WWOX: variants seen among roughly 807,000 people sequenced by gnomAD.
WWOX encodes WW domain-containing oxidoreductase.
Under a neutral mutation model 46.2 loss-of-function variants are expected in WWOX, and 69 were observed. The ratio of observed to expected loss-of-function variants is 1.49; its 90% confidence interval spans 1.23 to 1.82. WWOX has a LOEUF of 1.82. Ranked by LOEUF, WWOX falls within the 40% of genes most tolerant of loss-of-function variation. The pLI, the probability that WWOX is intolerant of heterozygous loss-of-function variation, is 0.00. For synonymous variants in WWOX, 359 were observed against 202.6 expected (o/e 1.77, Z -6.56); for missense variants, 919 against 542.6 (o/e 1.69, Z -6.89).
intron 8 of WWOX, among the ~76,000 whole-genome samples, chr16:79,117,034 G>A (rs1329087181): frequency 7.0e-6 from 1 of 143,692 alleles, no homozygotes; most frequent in South Asian, 2.4e-4. Flanking sequence ...TTGTCAACAA[G>A]TGGAATATTT....
intron 8 of WWOX, among the ~76,000 whole-genome samples, chr16:79,167,283 G>T (rs1007528117): frequency 1.3e-5 from 2 of 152,136 alleles, no homozygotes; most frequent in African/African-American, 4.8e-5. Flanking sequence ...AATTAGCAAA[G>T]AAGCAAATAT....
intron 8 of WWOX, among the ~76,000 whole-genome samples, chr16:78,813,210 C>T (rs1401507856): frequency 6.6e-6 from 1 of 151,572 alleles, no homozygotes; most frequent in Non-Finnish European, 1.5e-5. Context: ...GTTTTGCTAT[C>T]ATAGCGTTAC....
intron 8 of WWOX, among the ~76,000 whole-genome samples, chr16:78,880,656 AT>A (rs1399437110): frequency 1.3e-5 from 2 of 152,196 alleles, no homozygotes; most frequent in Non-Finnish European, 2.9e-5. Context: ...TGGTGAGGGA[AT>A]TCACTTGCCG....
intron 8 of WWOX, among the ~76,000 whole-genome samples, chr16:78,719,055 C>A (rs147949592): frequency 1.3e-5 from 2 of 152,146 alleles, no homozygotes; most frequent in Non-Finnish European, 1.5e-5. Context: ...TTAGTTCCAA[C>A]AGAGCTAAAG....
chr16:78,289,145 T>C (rs1447840499), intron 5 of WWOX, among the ~76,000 whole-genome samples: 1 of 152,156 alleles, frequency 6.6e-6, no homozygotes. Flanking sequence ...GGTAAAACTT[T>C]ACTTGGTGCT....
At chr16:78,794,724 C>G (rs374292488) in intron 8 of WWOX, among the ~76,000 whole-genome samples, 49 of 152,322 alleles carry the variant, frequency 3.2e-4, no homozygotes, top group Non-Finnish European at 5.3e-4. Flanking sequence ...ATTATTAGCT[C>G]TGCTATCAGA....
intron 8 of WWOX, among the ~76,000 whole-genome samples, chr16:79,173,038 G>T (rs1418588725): frequency 6.6e-6 from 1 of 152,130 alleles, no homozygotes; most frequent in Non-Finnish European, 1.5e-5. Flanking sequence ...GTAAATAAAT[G>T]CCTCTGTGAA....
chr16:79,079,100 C>A (rs1331286431), intron 8 of WWOX, among the ~76,000 whole-genome samples: 2 of 152,178 alleles, frequency 1.3e-5, no homozygotes, highest in East Asian at 1.9e-4. Flanking sequence ...ACTTCTTGTT[C>A]ATGTAACATC....
chr16:78,572,508 A>AGG (rs1029281127), intron 8 of WWOX, among the ~76,000 whole-genome samples: 1 of 140,010 alleles, frequency 7.1e-6, no homozygotes, highest in African/African-American at 2.7e-5. Flanking sequence ...GAGACTGAGG[A>AGG]GGGAGGACCT....
Position 78,108,408 on chromosome 16 carries a change from TTTG to T in WWOX, c.108-12_108-10del, listed in dbSNP as rs753290341. 3 of 1,612,222 alleles carry T rather than the reference TTTG, an allele frequency of 1.9e-6. No homozygotes were observed. The highest frequency in any genetic ancestry group is 1.3e-5 in the African/African-American group (1 of 74,596). On this transcript the variant is annotated splice_polypyrimidine_tract_variant and intron_variant, in intron 1 of 8. Coordinates refer to ENST00000566780, the MANE Select transcript of WWOX (RefSeq NM_016373.4). Reference sequence around the variant, plus strand: ...AATTTTTACTTATTACTGTGGATTTTTTGTTTTTTAACAGTCACACCGAGGAGA... The same window carrying T: ...AATTTTTACTTATTACTGTGGATTTTTTTTTTAACAGTCACACCGAGGAGA...
chr16:78,789,569 A>G (rs1017522535), intron 8 of WWOX, among the ~76,000 whole-genome samples: 2 of 152,154 alleles, frequency 1.3e-5, no homozygotes, highest in Admixed American at 6.5e-5. Flanking sequence ...AAGTTTTGAA[A>G]TTTGGAATTG....
At chr16:78,669,756 A>AT in intron 8 of WWOX, among the ~76,000 whole-genome samples, 1 of 152,280 alleles carries the variant, frequency 6.6e-6, no homozygotes, top group Middle Eastern at 3.4e-3. Flanking sequence ...TTCCCTTGAA[A>AT]TTTGCATCCA....
chr16:78,377,068 T>G (rs546540756), intron 5 of WWOX, among the ~76,000 whole-genome samples: 1 of 152,388 alleles, frequency 6.6e-6, no homozygotes, highest in South Asian at 2.1e-4. Context: ...ATTTTTCTTT[T>G]ATCACTGACT....
chr16:78,890,116 T>G (rs952196275), intron 8 of WWOX: 2 of 152,084 alleles, frequency 1.3e-5, no homozygotes, highest in South Asian at 4.1e-4. Flanking sequence ...CACATACACA[T>G]ACACACATTT....
intron 8 of WWOX, among the ~76,000 whole-genome samples, chr16:78,440,810 G>C (rs528142948): frequency 6.6e-6 from 1 of 151,922 alleles, no homozygotes; most frequent in Non-Finnish European, 1.5e-5. Context: ...GTAGAAGCGG[G>C]GTTTCAACAT....
intron 8 of WWOX, among the ~76,000 whole-genome samples, chr16:79,121,602 A>G (rs1347715476): frequency 1.3e-5 from 2 of 152,062 alleles, no homozygotes; most frequent in East Asian, 3.9e-4. Context: ...TGAGAGGTGG[A>G]GTTTGCAGTA....
chr16:78,983,306 C>T (rs1201971226), intron 8 of WWOX, among the ~76,000 whole-genome samples: 1 of 152,166 alleles, frequency 6.6e-6, no homozygotes. Context: ...AGAGTAGAAT[C>T]AGGAACCAGG....
At chr16:79,058,206 T>C (rs1470725271) in intron 8 of WWOX, among the ~76,000 whole-genome samples, 1 of 151,872 alleles carries the variant, frequency 6.6e-6, no homozygotes, top group Non-Finnish European at 1.5e-5. Context: ...GTCAGGCAGA[T>C]ACAGGTGTGC....
At chr16:78,476,903 C>T (rs1004537067) in intron 8 of WWOX, among the ~76,000 whole-genome samples, 15 of 152,112 alleles carry the variant, frequency 9.9e-5, no homozygotes, top group African/African-American at 3.1e-4. Flanking sequence ...CCTCTTCTCT[C>T]CCCTCTCCCC....
Sources: gnomAD v4.1 joint callset for allele counts (sites outside exome capture counted in the v4.1 genomes callset) on GRCh38, gnomAD v4.1.1 for gene constraint, MANE v1.5 for transcripts, NCBI Gene and HGNC (gene_info 2026-07-23, HGNC 2026-07-21) for gene names.